Variants in LDB3 observed in about 807,000 individuals in gnomAD.
LDB3 encodes LIM domain-binding protein 3.
A neutral mutation model predicts 69.0 loss-of-function variants in LDB3; 49 were observed. The ratio of observed to expected loss-of-function variants is 0.71; its 90% CI spans 0.56 to 0.90. The LOEUF is 0.90. Among genes scored for constraint, LDB3 ranks in the 40% least tolerant of loss-of-function variants. The probability of loss-of-function intolerance (pLI) is 0.00; values close to 1 mark genes in which losing one functional copy is unlikely to be tolerated. For synonymous variants in LDB3, 387 were observed against 396.2 expected (o/e 0.98, Z 0.28); for missense variants, 928 against 974.1 (o/e 0.95, Z 0.63).
chr10:86,690,997 C>T (rs1475760065), intron 5 of LDB3, among the ~76,000 whole-genome samples: 1 of 152,206 alleles, frequency 6.6e-6, no homozygotes, highest in South Asian at 2.1e-4. Flanking sequence ...TCCCAGGCCT[C>T]TGAGAAGGTG....
intron 13 of LDB3, 97 bp from the exon 14 acceptor site, chr10:86,732,790 C>T: frequency 1.1e-6 from 1 of 924,840 alleles, no homozygotes; most frequent in Non-Finnish European, 1.7e-6. Context: ...AGGACTGAGC[C>T]ACCACGCCTG....
chr10:86,710,813 G>A (rs972948791), intron 9 of LDB3, among the ~76,000 whole-genome samples: 8 of 152,208 alleles, frequency 5.3e-5, no homozygotes, highest in Admixed American at 1.3e-4. Context: ...GAGTGTGGGC[G>A]GTCGAAGCGG....
At chr10:86,678,012 A>C (rs1844893834) in intron 2 of LDB3, among the ~76,000 whole-genome samples, 1 of 152,074 alleles carries the variant, frequency 6.6e-6, no homozygotes. Flanking sequence ...GAGGCTAATC[A>C]AGGTTACAAA....
intron 8 of LDB3, among the ~76,000 whole-genome samples, chr10:86,709,704 G>A (rs1483482576): frequency 3.9e-5 from 6 of 152,168 alleles, no homozygotes; most frequent in Non-Finnish European, 7.4e-5. Flanking sequence ...CAAAGGCGGT[G>A]GCACTAGCCA....
chr10:86,713,570 T>C (rs1846751432), intron 9 of LDB3, among the ~76,000 whole-genome samples: 2 of 152,076 alleles, frequency 1.3e-5, no homozygotes, highest in African/African-American at 4.8e-5. Flanking sequence ...TAGCAGAGAA[T>C]TGCACTTCAC....
chr10:86,706,137 C>T (rs1321633645), intron 7 of LDB3, among the ~76,000 whole-genome samples: 1 of 152,114 alleles, frequency 6.6e-6, no homozygotes. Flanking sequence ...TAGCACATGC[C>T]CCCTGACTGA....
intron 7 of LDB3, among the ~76,000 whole-genome samples, chr10:86,704,450 T>C (rs551778237): frequency 6.6e-6 from 1 of 152,166 alleles, no homozygotes; most frequent in African/African-American, 2.4e-5. Context: ...AATTTCGCTC[T>C]TGTTGCCCAG....
intron 2 of LDB3, among the ~76,000 whole-genome samples, chr10:86,674,430 C>T (rs973221013): frequency 6.6e-6 from 1 of 152,118 alleles, no homozygotes; most frequent in African/African-American, 2.4e-5. Context: ...CTGGGCTGCC[C>T]TTGGAAGTGC....
upstream of LDB3, chr10:86,668,468 A>G (rs1225872791): frequency 1.3e-5 from 8 of 625,218 alleles, no homozygotes. Flanking sequence ...TTATGGGCGC[A>G]GCCGAAGGCA....
intron 12 of LDB3, among the ~76,000 whole-genome samples, chr10:86,724,651 A>G (rs1249381543): frequency 6.6e-6 from 1 of 150,836 alleles, no homozygotes; most frequent in Middle Eastern, 3.2e-3. Flanking sequence ...TAAAATAAAT[A>G]GATAAATAAA....
At chr10:86,677,125 G>A (rs1313571275) in intron 2 of LDB3, among the ~76,000 whole-genome samples, 2 of 152,238 alleles carry the variant, frequency 1.3e-5, no homozygotes, top group African/African-American at 4.8e-5. Context: ...CAGCTTGTAG[G>A]GGGTGGGGTC....
At chr10:86,726,950 T>C (rs762153421) in intron 13 of LDB3, among the ~76,000 whole-genome samples, 4 of 151,822 alleles carry the variant, frequency 2.6e-5, no homozygotes, top group Non-Finnish European at 5.9e-5. Context: ...GAAGGAGAGG[T>C]AGGAAACAGT....
chr10:86,710,326 A>T (rs1846600116), intron 9 of LDB3: 1 of 911,260 alleles, frequency 1.1e-6, no homozygotes, highest in Non-Finnish European at 1.3e-6. Context: ...ATGGTGGCTC[A>T]CACTTGGAAT....
rs770525232 is a variant in LDB3 at position 86,718,763 on chromosome 10, A to G, written c.1894A>G (p.Thr632Ala). ...TGCCTTGAGACAGACATGGCACACC[A>G]CCTGCTTCGTCTGTGCGGCCTGCAA... The part of the protein sequence containing the change: ...MHALRQTWHT[T>A]CFVCAACKKP... The change falls in exon 12 of 14, where the codon ACC (threonine) becomes GCC (alanine). Residue 632 changes from threonine (T) to alanine (A), a missense_variant. Physicochemically the swap from Thr to Ala is moderately conservative, Grantham distance 58. Transcript: ENST00000361373. The G allele has an allele frequency of 1.1e-5, 18 of 1,613,940 alleles. No individual in the cohort carries two copies. In the South Asian group the frequency reaches 1.8e-4, roughly 16 times the overall value.
In LDB3 at chr10:86,681,693, G is replaced by A; in HGVS notation, c.579G>A (p.Arg193=). The A allele has an allele frequency of 1.2e-6, 2 of 1,613,662 alleles. No homozygotes were observed. ...PKALPGSSQP[R]QYNNPIGLYS... ...CCCTGCCGGGCTCGAGCCAGCCGAG[G>A]CAATATAACAACCCCATTGGCCTGT... The change falls in exon 5 of 14, where the codon AGG becomes AGA. Residue 193 remains arginine (R), a synonymous_variant. Transcript: ENST00000361373.
At chr10:86,692,985 G>A (rs1330986374) in intron 7 of LDB3, among the ~76,000 whole-genome samples, 4 of 152,226 alleles carry the variant, frequency 2.6e-5, no homozygotes, top group African/African-American at 7.2e-5. Context: ...AGGCACACAG[G>A]GGGCTGTGCT....
In LDB3 at chr10:86,712,017, G is replaced by A. The variant is rs1247875852; in HGVS notation, c.1231+1967G>A. The stretch of plus-strand genomic sequence containing the variant: ...GTCACGCAAAAATAGCAACAGCCCC[G>A]GGGCTGCGAGATGGGATATCAGGTC... On this transcript the variant is annotated intron_variant, in intron 9 of 13. Transcript: ENST00000361373. Among the ~76,000 whole-genome samples, 6 of 152,134 alleles carry A rather than the reference G, an allele frequency of 3.9e-5. No individual in the cohort carries two copies. In the South Asian group the frequency reaches 8.3e-4, roughly 21 times the overall value.
chr10:86,722,632 A>C (rs1847121050), intron 12 of LDB3, among the ~76,000 whole-genome samples: 1 of 119,520 alleles, frequency 8.4e-6, no homozygotes, highest in Non-Finnish European at 1.6e-5. Context: ...GTGGCATGCT[A>C]TCTTGACTCA....
At chr10:86,712,137 C>T (rs1487005664) in intron 9 of LDB3, among the ~76,000 whole-genome samples, 1 of 151,814 alleles carries the variant, frequency 6.6e-6, no homozygotes, top group Non-Finnish European at 1.5e-5. Flanking sequence ...GTCGGGGTTG[C>T]GACGGGGGAA....
Sources: allele counts gnomAD v4.1 joint callset (sites outside exome capture counted in the v4.1 genomes callset), GRCh38; gene constraint gnomAD v4.1.1; transcripts MANE v1.5; gene names NCBI Gene and HGNC (gene_info 2026-07-23, HGNC 2026-07-21).